The following EVC variants were observed in gnomAD, a reference collection of about 807,000 sequenced individuals.
The protein encoded by EVC is EvC ciliary complex subunit 1.
A neutral mutation model predicts 118.9 loss-of-function variants in EVC; 116 were observed. The observed-to-expected ratio is 0.98, with a 90% CI of 0.84 to 1.14. The LOEUF (loss-of-function observed/expected upper bound fraction) is 1.14, where lower values mean the gene tolerates loss of function less well. Among genes scored for constraint, EVC ranks in the 50% most tolerant of loss-of-function variants. EVC has a pLI of 0.00. For missense variants in EVC, 1,401 were observed against 1,246.4 expected (o/e 1.12, Z -1.87); for synonymous variants, 619 against 534.7 (o/e 1.16, Z -2.18).
intron 2 of EVC, among the ~76,000 whole-genome samples, chr4:5,726,565 T>TTTC (rs1448993474): frequency 5.5e-4 from 24 of 43,868 alleles, no homozygotes; most frequent in Non-Finnish European, 7.9e-4. Flanking sequence ...TTTCTTCTCT[T>TTTC]TTCTTTTTTT....
intron 4 of EVC, among the ~76,000 whole-genome samples, 199 bp from the exon 5 acceptor site, chr4:5,733,152 T>C (rs982436743): frequency 2.6e-5 from 4 of 152,214 alleles, no homozygotes; most frequent in African/African-American, 9.6e-5. Flanking sequence ...TGTTCTCTTA[T>C]GGCCATTAGT....
intron 5 of EVC, among the ~76,000 whole-genome samples, chr4:5,740,528 C>T (rs761208462): frequency 5.3e-5 from 8 of 150,692 alleles, no homozygotes; most frequent in African/African-American, 9.7e-5. Flanking sequence ...AGGATTTAGA[C>T]CTAGGCAAAG....
intron 17 of EVC, 69 bp from the exon 18 acceptor site, chr4:5,808,132 T>TCCCCCCCCC: frequency 1.7e-5 from 8 of 464,746 alleles, no homozygotes; most frequent in Non-Finnish European, 2.4e-5. Context: ...GCCTTCCTTC[T>TCCCCCCCCC]CCCTCCCTCC....
chr4:5,815,925 A>G (rs1005407142), downstream of EVC, among the ~76,000 whole-genome samples: 2 of 151,922 alleles, frequency 1.3e-5, no homozygotes, highest in African/African-American at 2.4e-5. Flanking sequence ...TTTGGAAGGA[A>G]GGGAGGGAGG....
At chr4:5,733,771 A>G (rs886909950) in intron 5 of EVC, among the ~76,000 whole-genome samples, 1 of 152,194 alleles carries the variant, frequency 6.6e-6, no homozygotes, top group Non-Finnish European at 1.5e-5. Flanking sequence ...TAATAATGAT[A>G]AGAATATTTA....
At chr4:5,817,362 A>C (rs1040985034), downstream of EVC, among the ~76,000 whole-genome samples, 1 of 152,104 alleles carries the variant, frequency 6.6e-6, no homozygotes, top group Non-Finnish European at 1.5e-5. Context: ...TCCAGGCATA[A>C]TGGATAGCCA....
rs951018605 is a variant in EVC at position 5,755,796 on chromosome 4, C to T, written c.1465-468C>T. ...CTCCCCCTGCTGATGCCCGGGTTAG[C>T]CCAGTCTCCTGCTGCTCTGCTGGGG... On this transcript the variant is annotated intron_variant, in intron 10 of 20. Transcript: ENST00000264956. This position sits in a 1 kb window ranked among gnomAD's most constrained non-coding sequence, Gnocchi z 4.1. Among the ~76,000 whole-genome samples the T allele has an allele frequency of 6.6e-6, 1 of 152,204 alleles. No individual in the cohort carries two copies. The highest frequency in any genetic ancestry group is 6.5e-5 in the Admixed American group (1 of 15,288).
intron 11 of EVC, among the ~76,000 whole-genome samples, chr4:5,774,562 A>G (rs1172934127): frequency 6.6e-6 from 1 of 152,040 alleles, no homozygotes; most frequent in Non-Finnish European, 1.5e-5. Context: ...GACTATGGGT[A>G]TCTTCCTTGC....
chr4:5,723,436 G>A (rs1358617385), intron 2 of EVC, among the ~76,000 whole-genome samples: 3 of 152,026 alleles, frequency 2.0e-5, no homozygotes, highest in African/African-American at 7.2e-5. Flanking sequence ...TGATCTGCCC[G>A]CCTTGGCCTC....
At chr4:5,744,059 C>T (rs1387056951) in intron 6 of EVC, among the ~76,000 whole-genome samples, 5 of 152,136 alleles carry the variant, frequency 3.3e-5, no homozygotes, top group African/African-American at 4.8e-5. Context: ...ATAATAGTGG[C>T]TACTATTTGT....
chr4:5,783,477 G>C (rs1735937778), intron 11 of EVC, 75 bp from the exon 12 acceptor site: 2 of 1,415,036 alleles, frequency 1.4e-6, no homozygotes, highest in Non-Finnish European at 1.0e-6. Context: ...TTGTGGAGGA[G>C]AGGCAGAGAG....
intron 12 of EVC, among the ~76,000 whole-genome samples, chr4:5,792,053 A>T (rs914552500): frequency 2.6e-5 from 4 of 152,210 alleles, no homozygotes; most frequent in Non-Finnish European, 1.5e-5. Context: ...GGTAGAGAAA[A>T]AAGTATTCCA....
intron 2 of EVC, among the ~76,000 whole-genome samples, chr4:5,720,047 A>T (rs4513510): frequency 6.6e-6 from 1 of 151,964 alleles, no homozygotes; most frequent in African/African-American, 2.4e-5. Context: ...AAAAAATTCT[A>T]TTTGTTCCTG....
chr4:5,757,800 AT>A (rs1731406453), intron 11 of EVC, among the ~76,000 whole-genome samples: 1 of 152,158 alleles, frequency 6.6e-6, no homozygotes, highest in Admixed American at 6.5e-5. Flanking sequence ...CACATGGGAT[AT>A]TGGAGGTTAG....
At chr4:5,825,862 T>C in the EVC span, 769 of 552,870 alleles carry the variant, frequency 1.4e-3, 8 homozygotes, top group African/African-American at 0.013. This position sits in a 1 kb window ranked among gnomAD's most constrained non-coding sequence, Gnocchi z 4.4. Context: ...CAAGCATGCA[T>C]ACACACACAT....
At chr4:5,733,840 A>G (rs549210143) in intron 5 of EVC, among the ~76,000 whole-genome samples, 13 of 152,218 alleles carry the variant, frequency 8.5e-5, no homozygotes, top group Admixed American at 2.0e-4. Context: ...TTACACTTAA[A>G]CCTCAGCACA....
chr4:5,748,349 C>A (rs777924778), intron 8 of EVC, 43 bp downstream of exon 8: 33 of 1,608,554 alleles, frequency 2.1e-5, no homozygotes, highest in Non-Finnish European at 2.7e-5. Context: ...GATATTCAGA[C>A]TAGAGATATG....
chr4:5,752,371 C>T (rs549533537), intron 8 of EVC, among the ~76,000 whole-genome samples: 1 of 152,210 alleles, frequency 6.6e-6, no homozygotes, highest in Admixed American at 6.5e-5. Context: ...CCAATCATTC[C>T]CCTGAAAATC....
In EVC at chr4:5,793,686, GTCTTGGGCCGACTGGGCGGCC is replaced by G. The variant is rs1577600498; in HGVS notation, c.1858_1878del (p.Leu620_Leu626del). Reference sequence around the variant, plus strand: ...GGACCACGAGGGCACCATCCGCGGCGTCTTGGGCCGACTGGGCGGCCTCACTGAAGAGTGAGTACAGCTCCC... The same window carrying G: ...GGACCACGAGGGCACCATCCGCGGCGTCACTGAAGAGTGAGTACAGCTCCC... On this transcript the variant is annotated inframe_deletion, in exon 13 of 21. Transcript: ENST00000264956. 1.9e-6 allele frequency: 3 copies of G among 1,551,356 alleles called. No homozygotes were observed. Among genetic ancestry groups the G allele is most frequent in the Middle Eastern group, 2.2e-4 (1 of 4,614 alleles).
Sources: gnomAD v4.1 joint callset for allele counts (sites outside exome capture counted in the v4.1 genomes callset) on GRCh38, gnomAD v4.1.1 for gene constraint, Gnocchi (gnomAD v3.1) non-coding constraint, MANE v1.5 for transcripts, NCBI Gene and HGNC (gene_info 2026-07-23, HGNC 2026-07-21) for gene names.